POFUT3: variants seen among roughly 807,000 people sequenced by gnomAD.
The protein encoded by POFUT3 is GDP-fucose protein O-fucosyltransferase 3.
the POFUT3 span, among the ~76,000 whole-genome samples, chr8:33,463,123 C>T: frequency 2.6e-5 from 4 of 152,016 alleles, no homozygotes; most frequent in African/African-American, 9.7e-5. Flanking sequence ...CTACATCATG[C>T]CCCTGACATA....
chr8:33,375,381 G>T, the POFUT3 span, among the ~76,000 whole-genome samples: 8 of 152,150 alleles, frequency 5.3e-5, no homozygotes, highest in African/African-American at 1.9e-4. Flanking sequence ...GACATCTCAG[G>T]CTGCTGCTCC....
At chr8:33,361,500 A>T in the POFUT3 span, 1 of 152,204 alleles carries the variant, frequency 6.6e-6, no homozygotes, top group Non-Finnish European at 1.5e-5. Context: ...CACGAGGTAA[A>T]TTCTATCATA....
At chr8:33,471,012 G>A in the POFUT3 span, among the ~76,000 whole-genome samples, 3,376 of 151,796 alleles carry the variant, frequency 0.022, 61 homozygotes, top group East Asian at 0.078. Flanking sequence ...CATTTTCCTT[G>A]TTGGTAATTC....
At chr8:33,409,831 T>G in the POFUT3 span, among the ~76,000 whole-genome samples, 1 of 152,064 alleles carries the variant, frequency 6.6e-6, no homozygotes, top group Admixed American at 6.6e-5. Context: ...CGTGAACCCA[T>G]GAGGCGGAGC....
the POFUT3 span, among the ~76,000 whole-genome samples, chr8:33,354,747 G>A: frequency 6.6e-6 from 1 of 152,038 alleles, no homozygotes; most frequent in Non-Finnish European, 1.5e-5. Flanking sequence ...CAAAAATAAA[G>A]GAAATTTTGG....
At chr8:33,391,124 T>C in the POFUT3 span, among the ~76,000 whole-genome samples, 1 of 152,228 alleles carries the variant, frequency 6.6e-6, no homozygotes, top group African/African-American at 2.4e-5. Flanking sequence ...AATAAAACTT[T>C]ATCAACATTT....
the POFUT3 span, among the ~76,000 whole-genome samples, chr8:33,379,278 C>G: frequency 6.6e-6 from 1 of 151,846 alleles, no homozygotes; most frequent in African/African-American, 2.4e-5. Context: ...AATACACATC[C>G]CTCCTCCCCA....
At chr8:33,470,174 T>C in the POFUT3 span, among the ~76,000 whole-genome samples, 3 of 139,110 alleles carry the variant, frequency 2.2e-5, no homozygotes, top group East Asian at 6.3e-4. Flanking sequence ...CCGAGGTGGG[T>C]GGATCACTTA....
At chr8:33,373,260 G>C in the POFUT3 span, among the ~76,000 whole-genome samples, 2 of 152,048 alleles carry the variant, frequency 1.3e-5, no homozygotes, top group East Asian at 3.8e-4. Flanking sequence ...CAATCTCTGG[G>C]CATTTATTTT....
At chr8:33,351,591 T>G in the POFUT3 span, among the ~76,000 whole-genome samples, 7 of 151,650 alleles carry the variant, frequency 4.6e-5, no homozygotes, top group African/African-American at 1.5e-4. Context: ...CCACCAAGAG[T>G]GGAAGCAGCC....
At chr8:33,413,618 TCTC>T in the POFUT3 span, among the ~76,000 whole-genome samples, 2 of 152,100 alleles carry the variant, frequency 1.3e-5, no homozygotes, top group Non-Finnish European at 2.9e-5. Context: ...ACAACTCTCT[TCTC>T]CTCCTCTGCC....
chr8:33,352,507 T>C, the POFUT3 span, among the ~76,000 whole-genome samples: 1 of 151,490 alleles, frequency 6.6e-6, no homozygotes, highest in African/African-American at 2.5e-5. Flanking sequence ...AGTATCCCAT[T>C]TTTATTTTTG....
chr8:33,353,301 T>A, the POFUT3 span, among the ~76,000 whole-genome samples: 1 of 152,200 alleles, frequency 6.6e-6, no homozygotes, highest in Non-Finnish European at 1.5e-5. Context: ...CCCAGTGCAA[T>A]GAAGACTGTG....
the POFUT3 span, among the ~76,000 whole-genome samples, chr8:33,357,846 T>C: frequency 2.6e-5 from 4 of 152,146 alleles, no homozygotes; most frequent in Admixed American, 6.6e-5. Context: ...CATAAGTGTC[T>C]CTTTAGTCCA....
chr8:33,376,745 C>CT, the POFUT3 span, among the ~76,000 whole-genome samples: 1 of 152,154 alleles, frequency 6.6e-6, no homozygotes. Flanking sequence ...CAAAGGTAGG[C>CT]TCAAAATTGT....
the POFUT3 span, among the ~76,000 whole-genome samples, chr8:33,413,253 T>G: frequency 6.6e-6 from 1 of 152,062 alleles, no homozygotes; most frequent in South Asian, 2.1e-4. Flanking sequence ...GTAATTAGGT[T>G]TCGATGAGGT....
the POFUT3 span, among the ~76,000 whole-genome samples, chr8:33,418,070 C>T: frequency 6.6e-6 from 1 of 152,168 alleles, no homozygotes; most frequent in Non-Finnish European, 1.5e-5. Flanking sequence ...CAAACCTAAG[C>T]GGCTACAGCA....
At chr8:33,317,799 T>TG in the POFUT3 span, among the ~76,000 whole-genome samples, 1 of 152,054 alleles carries the variant, frequency 6.6e-6, no homozygotes, top group Non-Finnish European at 1.5e-5. Flanking sequence ...CTCATCAAGC[T>TG]GTCCCTCCGC....
chr8:33,333,079 G>A, the POFUT3 span, among the ~76,000 whole-genome samples: 3 of 152,184 alleles, frequency 2.0e-5, no homozygotes, highest in African/African-American at 7.2e-5. Context: ...GCAACAAAAT[G>A]CTCCACCAAA....
Sources: gnomAD v4.1 joint callset for allele counts (sites outside exome capture counted in the v4.1 genomes callset) on GRCh38, gnomAD v4.1.1 for gene constraint, MANE v1.5 for transcripts, NCBI Gene and HGNC (gene_info 2026-07-23, HGNC 2026-07-21) for gene names.